CHD6: variants seen among roughly 807,000 people sequenced by gnomAD.
CHD6 encodes the protein ATP-dependent chromatin remodeler CHD6.
In CHD6, 50 loss-of-function variants were observed where a neutral mutation model predicts 276.9. That is an observed-to-expected ratio of 0.18 (90% CI 0.14 to 0.23). The LOEUF (loss-of-function observed/expected upper bound fraction) is 0.23. Among genes scored for constraint, CHD6 ranks in the 10% least tolerant of loss-of-function variants. CHD6 has a pLI of 1.00. For synonymous variants in CHD6, 1,173 were observed against 1,229.3 expected (o/e 0.95, Z 0.96); for missense variants, 2,564 against 3,365.8 (o/e 0.76, Z 5.89).
chr20:41,406,422 G>C (rs1181561195), intron 36 of CHD6, among the ~76,000 whole-genome samples: 1 of 152,208 alleles, frequency 6.6e-6, no homozygotes, highest in African/African-American at 2.4e-5. Flanking sequence ...TAACCCATCA[G>C]GATGGCTGAG....
chr20:41,532,903 C>T lies in CHD6; in HGVS notation c.554+147G>A, dbSNP rs2044723614. 3.4e-6 allele frequency: 3 copies of T among 877,484 alleles called. No individual in the cohort carries two copies. In the South Asian group the frequency reaches 6.7e-5, roughly 20 times the overall value. The allele number at this position is 877,484 out of a possible 1,614,324, so 54.4% of individuals were successfully genotyped here. A position where few individuals can be genotyped will look rare whatever the true frequency, so the allele number is the denominator to read the frequency against. On this transcript the variant is annotated intron_variant, in intron 3 of 36. Coordinates refer to ENST00000373233, the MANE Select transcript of CHD6 (RefSeq NM_032221.5). ...TTGCATTAGCACCAAGGGGTTACCC[C>T]TGCTCCCCATCCTATACAGGTGAGA...
chr20:41,445,862 A>T (rs780822277), intron 24 of CHD6, 94 bp from the exon 25 acceptor site: 7 of 721,962 alleles, frequency 9.7e-6, no homozygotes, highest in Admixed American at 2.3e-5. Flanking sequence ...CTGAGATGCT[A>T]AAGTAACAAT....
intron 1 of CHD6, among the ~76,000 whole-genome samples, chr20:41,569,174 T>C (rs79122751): frequency 0.13 from 19,789 of 152,160 alleles, 1,548 homozygotes; most frequent in East Asian, 0.18. Context: ...TGGCTAGCAA[T>C]AGGATCCTCC....
At chr20:41,579,826 A>G (rs1337228801) in intron 1 of CHD6, among the ~76,000 whole-genome samples, 1 of 152,236 alleles carries the variant, frequency 6.6e-6, no homozygotes, top group African/African-American at 2.4e-5. Context: ...AGAGTTCAAC[A>G]GCTTGCCTCT....
chr20:41,425,079 A>G (rs962153246), intron 29 of CHD6, 99 bp downstream of exon 29: 3 of 886,230 alleles, frequency 3.4e-6, no homozygotes, highest in Non-Finnish European at 5.4e-6. Flanking sequence ...ACTTCACATG[A>G]GAACAGAAAT....
At chr20:41,526,299 T>C (rs533572685) in intron 3 of CHD6, among the ~76,000 whole-genome samples, 8 of 152,324 alleles carry the variant, frequency 5.3e-5, no homozygotes, top group African/African-American at 1.4e-4. Flanking sequence ...ATACACACCG[T>C]TATGTCTTCT....
intron 1 of CHD6, among the ~76,000 whole-genome samples, chr20:41,569,885 T>C (rs887997185): frequency 3.3e-5 from 5 of 152,166 alleles, no homozygotes; most frequent in Non-Finnish European, 7.3e-5. Flanking sequence ...TGGAGCAACC[T>C]CAAATTTTGG....
At chr20:41,498,483 C>T (rs2043740377) in intron 6 of CHD6, among the ~76,000 whole-genome samples, 1 of 152,102 alleles carries the variant, frequency 6.6e-6, no homozygotes. Flanking sequence ...GCTGATAAAC[C>T]CAAACTGGCC....
chr20:41,608,346 T>C (rs1291016922), intron 1 of CHD6, among the ~76,000 whole-genome samples: 1 of 152,182 alleles, frequency 6.6e-6, no homozygotes, highest in African/African-American at 2.4e-5. Flanking sequence ...ACGTTTCTAG[T>C]AAAGAAGAGC....
chr20:41,428,231 CCT>C (rs1359289644), intron 27 of CHD6, among the ~76,000 whole-genome samples: 3 of 152,210 alleles, frequency 2.0e-5, no homozygotes, highest in African/African-American at 7.2e-5. Flanking sequence ...GAAGGTACTT[CCT>C]CTCTCTAGAA....
intron 27 of CHD6, among the ~76,000 whole-genome samples, chr20:41,433,276 A>G (rs1439793604): frequency 6.6e-6 from 1 of 152,226 alleles, no homozygotes; most frequent in Non-Finnish European, 1.5e-5. Flanking sequence ...GTGAATTCCA[A>G]ATAGGGTAAA....
At chr20:41,491,895 G>A (rs2043565361) in intron 10 of CHD6, 76 bp from the exon 11 acceptor site, 11 of 1,520,326 alleles carry the variant, frequency 7.2e-6, no homozygotes, top group South Asian at 3.4e-5. Context: ...AACGAGGACA[G>A]TGGTAAATCT....
At chr20:41,552,585 T>A (rs2045162651) in intron 1 of CHD6, among the ~76,000 whole-genome samples, 3 of 152,234 alleles carry the variant, frequency 2.0e-5, no homozygotes. Context: ...CAATTCTAAG[T>A]AAGTTCATGG....
intron 3 of CHD6, among the ~76,000 whole-genome samples, chr20:41,526,914 C>T (rs1472755691): frequency 1.3e-5 from 2 of 152,176 alleles, no homozygotes; most frequent in Non-Finnish European, 2.9e-5. Context: ...TAATCATTCT[C>T]TCTGGGGAAT....
intron 14 of CHD6, among the ~76,000 whole-genome samples, chr20:41,485,147 T>C (rs967029678): frequency 6.6e-6 from 1 of 152,196 alleles, no homozygotes; most frequent in Non-Finnish European, 1.5e-5. Context: ...ATCTACTCTA[T>C]CATGGAATCT....
chr20:41,481,941 C>T (rs115519183), intron 16 of CHD6, among the ~76,000 whole-genome samples: 48 of 151,926 alleles, frequency 3.2e-4, no homozygotes, highest in African/African-American at 1.1e-3. Context: ...AAAAAACAGA[C>T]TGAGAAGATA....
At chr20:41,418,354 A>G (rs904939463) in intron 31 of CHD6, among the ~76,000 whole-genome samples, 2 of 152,212 alleles carry the variant, frequency 1.3e-5, no homozygotes, top group African/African-American at 4.8e-5. Flanking sequence ...AGGTTGTTAG[A>G]GAGTCTCTCG....
intron 36 of CHD6, among the ~76,000 whole-genome samples, chr20:41,407,737 C>A (rs1191693146): frequency 6.6e-6 from 1 of 152,188 alleles, no homozygotes; most frequent in Non-Finnish European, 1.5e-5. Flanking sequence ...TGTGTTGGTT[C>A]CCACACTAGT....
chr20:41,470,571 G>T (rs1482487078), intron 17 of CHD6, among the ~76,000 whole-genome samples: 3 of 152,194 alleles, frequency 2.0e-5, no homozygotes, highest in African/African-American at 7.2e-5. Flanking sequence ...TCCAATTTCA[G>T]TTTGGACTTC....
Sources: allele counts gnomAD v4.1 joint callset (sites outside exome capture counted in the v4.1 genomes callset), GRCh38; gene constraint gnomAD v4.1.1; transcripts MANE v1.5; gene names NCBI Gene and HGNC (gene_info 2026-07-23, HGNC 2026-07-21).